Variants in MAGI1 observed in about 807,000 individuals in gnomAD.
MAGI1 encodes the protein membrane associated guanylate kinase, WW and PDZ domain containing 1.
MAGI1 carries 58 observed loss-of-function variants against 139.9 expected under a neutral mutation model. The ratio of observed to expected loss-of-function variants is 0.41; its 90% CI spans 0.34 to 0.52. MAGI1 has a LOEUF of 0.52. MAGI1 is among the 20% of genes least tolerant of loss of function. MAGI1 has a pLI of 0.12. For synonymous variants in MAGI1, 812 were observed against 737.9 expected, an observed-to-expected ratio of 1.10 and a Z score of -1.63; for missense variants, 1,874 against 1,901.6, an observed-to-expected ratio of 0.99 and a Z score of 0.27.
At chr3:65,459,950 A>T (rs1421977521) in intron 5 of MAGI1, among the ~76,000 whole-genome samples, 1 of 151,976 alleles carries the variant, frequency 6.6e-6, no homozygotes, top group East Asian at 1.9e-4. Context: ...AAAAAGAAAA[A>T]AGAGTGGGGA....
chr3:65,691,628 TTCCTATTCTAG>T (rs1237258493), intron 1 of MAGI1, among the ~76,000 whole-genome samples: 1 of 152,178 alleles, frequency 6.6e-6, no homozygotes, highest in Non-Finnish European at 1.5e-5. Flanking sequence ...CTTAAACAAA[TTCCTATTCTAG>T]TCTACTGCTG....
chr3:65,430,179 C>CCGG, intron 11 of MAGI1, 39 bp from the exon 12 acceptor site: 1 of 1,598,470 alleles, frequency 6.3e-7, no homozygotes, highest in Non-Finnish European at 8.6e-7. Context: ...GAAAACAGCA[C>CCGG]CCAGAAAATT....
chr3:65,959,682 C>A lies in MAGI1; in HGVS notation c.313+78314G>T, dbSNP rs193017482. Among the ~76,000 whole-genome samples, 57 of 147,638 alleles carry A rather than the reference C, an allele frequency of 3.9e-4. 1 individual carries two copies. In the East Asian group the frequency reaches 8.5e-3, roughly 22 times the overall value. ...GTCTCCCTATGTTTCCCAGGCTGGT[C>A]TCAAACTCCTGGACTCAAGTGATCC... On this transcript the variant is annotated intron_variant, in intron 1 of 22. Coordinates refer to ENST00000402939, the MANE Select transcript of MAGI1 (RefSeq NM_001033057.2).
At chr3:65,687,970 T>C (rs2088208140) in intron 1 of MAGI1, 3 of 793,374 alleles carry the variant, frequency 3.8e-6, no homozygotes, top group Non-Finnish European at 6.6e-6. Flanking sequence ...GTTAAAGTTA[T>C]CATCAGACTA....
chr3:65,908,311 T>C (rs756412502), intron 1 of MAGI1, among the ~76,000 whole-genome samples: 5 of 152,178 alleles, frequency 3.3e-5, no homozygotes, highest in Non-Finnish European at 5.9e-5. Flanking sequence ...TTAATTTTTT[T>C]TTTTTTAATC....
intron 1 of MAGI1, among the ~76,000 whole-genome samples, chr3:65,668,125 C>T (rs1269913977): frequency 6.6e-6 from 1 of 152,152 alleles, no homozygotes; most frequent in Non-Finnish European, 1.5e-5. Flanking sequence ...GCCATGTGAC[C>T]TTGGGCTAGG....
intron 1 of MAGI1, among the ~76,000 whole-genome samples, chr3:65,671,250 A>C (rs1218539209): frequency 4.6e-5 from 7 of 152,184 alleles, no homozygotes; most frequent in Admixed American, 4.6e-4. Context: ...GCTATGAATC[A>C]CTGTAAAGCA....
intron 1 of MAGI1, among the ~76,000 whole-genome samples, chr3:65,943,308 G>A (rs2063398688): frequency 6.6e-6 from 1 of 152,136 alleles, no homozygotes; most frequent in South Asian, 2.1e-4. Flanking sequence ...AGGCACAGTG[G>A]CTCACACCTG....
At chr3:65,645,391 T>C (rs1576585316) in intron 1 of MAGI1, among the ~76,000 whole-genome samples, 1 of 152,270 alleles carries the variant, frequency 6.6e-6, no homozygotes, top group South Asian at 2.1e-4. Flanking sequence ...GGGTACAACA[T>C]TTTTCAAGTC....
intron 1 of MAGI1, among the ~76,000 whole-genome samples, chr3:65,662,458 A>C (rs1257720124): frequency 1.3e-5 from 2 of 152,218 alleles, no homozygotes; most frequent in African/African-American, 4.8e-5. Flanking sequence ...ATGCAACCAA[A>C]TGGCCATGGC....
At chr3:65,657,533 G>A (rs1343586533) in intron 1 of MAGI1, among the ~76,000 whole-genome samples, 2 of 152,106 alleles carry the variant, frequency 1.3e-5, no homozygotes, top group African/African-American at 4.8e-5. Context: ...ATGGAAAGCT[G>A]TAGGAAGCTA....
chr3:65,695,903 T>C (rs1181021444), intron 1 of MAGI1, among the ~76,000 whole-genome samples: 1 of 152,102 alleles, frequency 6.6e-6, no homozygotes, highest in Non-Finnish European at 1.5e-5. Context: ...TCTTTACTCA[T>C]CCTACATCAC....
intron 12 of MAGI1, among the ~76,000 whole-genome samples, chr3:65,415,275 G>T (rs1434297906): frequency 6.6e-6 from 1 of 152,162 alleles, no homozygotes; most frequent in East Asian, 1.9e-4. Context: ...AAAACAGGAG[G>T]TCTGCTTCAG....
chr3:65,870,750 G>T, intron 1 of MAGI1, among the ~76,000 whole-genome samples: 1 of 151,204 alleles, frequency 6.6e-6, no homozygotes, highest in East Asian at 2.0e-4. Context: ...AAAAGGAAAT[G>T]AAGAAAGACT....
In MAGI1 at chr3:65,477,464, C is replaced by T. The variant is rs558283111; in HGVS notation, c.757+1128G>A. Among the ~76,000 whole-genome samples, 9 of 152,110 alleles carry T rather than the reference C, an allele frequency of 5.9e-5. No homozygotes were observed. In the South Asian group the frequency reaches 1.0e-3, roughly 18 times the overall value. On this transcript the variant is annotated intron_variant, in intron 4 of 22. Transcript: ENST00000402939. ...AGAGGATAATCTCATATGTTGAAAA[C>T]GGATAACTTATTCATGGCTATAACT...
At chr3:65,839,186 A>G (rs1054407312) in intron 1 of MAGI1, among the ~76,000 whole-genome samples, 4 of 152,170 alleles carry the variant, frequency 2.6e-5, no homozygotes, top group Non-Finnish European at 5.9e-5. Context: ...GAGCTGAAAA[A>G]TTCCTATTGC....
intron 2 of MAGI1, among the ~76,000 whole-genome samples, chr3:65,614,892 T>G (rs955445818): frequency 4.0e-5 from 6 of 151,704 alleles, no homozygotes; most frequent in African/African-American, 1.5e-4. Context: ...CATGGTGGCA[T>G]GTGTCTGTAG....
At chr3:65,883,253 A>G (rs990172626) in intron 1 of MAGI1, among the ~76,000 whole-genome samples, 1 of 152,220 alleles carries the variant, frequency 6.6e-6, no homozygotes, top group Non-Finnish European at 1.5e-5. Context: ...ATTTTACTAC[A>G]CAACAGTTAT....
intron 13 of MAGI1, among the ~76,000 whole-genome samples, chr3:65,397,836 T>C (rs1278674013): frequency 6.6e-6 from 1 of 152,198 alleles, no homozygotes; most frequent in Non-Finnish European, 1.5e-5. Context: ...GAGGTGAGGA[T>C]CTTTGTAGAT....
Sources: gnomAD v4.1 joint callset for allele counts (sites outside exome capture counted in the v4.1 genomes callset) on GRCh38, gnomAD v4.1.1 for gene constraint, MANE v1.5 for transcripts, NCBI Gene and HGNC (gene_info 2026-07-23, HGNC 2026-07-21) for gene names.